NR1D2: variants seen among roughly 807,000 people sequenced by gnomAD.
NR1D2 encodes the protein nuclear receptor subfamily 1 group D member 2, also known as V-erbA-related protein 1-related.
NR1D2 carries 25 observed loss-of-function variants against 52.2 expected under a neutral mutation model. The observed-to-expected ratio is 0.48, with a 90% CI of 0.35 to 0.67. NR1D2 has a LOEUF of 0.67. NR1D2 is among the 30% of genes least tolerant of loss of function. The pLI, the probability that NR1D2 is intolerant of heterozygous loss-of-function variation, is 0.01. For synonymous variants in NR1D2, 259 were observed against 230.1 expected (o/e 1.13, Z -1.14); for missense variants, 681 against 707.2 (o/e 0.96, Z 0.42).
At position 23,948,758 on chromosome 3, in the gene NR1D2, C is replaced by T. The variant is rs761443599; in HGVS notation, c.16+3164C>T. Among the ~76,000 whole-genome samples the T allele has an allele frequency of 2.0e-5, 3 of 152,198 alleles. No homozygotes were observed. The East Asian group carries it at 5.8e-4, about 29-fold the overall frequency. Reference sequence around the variant, plus strand: ...CCAGAATTTGAATCCACAAAATTTACTTGGGAACACAAACTGTTAACTACT... The same window carrying T: ...CCAGAATTTGAATCCACAAAATTTATTTGGGAACACAAACTGTTAACTACT... On this transcript the variant is annotated intron_variant, in intron 1 of 7. Coordinates refer to ENST00000312521, the MANE Select transcript of NR1D2 (RefSeq NM_005126.5).
chr3:23,965,190 T>A, intron 6 of NR1D2, 28 bp downstream of exon 6: 1 of 1,473,858 alleles, frequency 6.8e-7, no homozygotes, highest in Non-Finnish European at 9.3e-7. Context: ...TGAATATTGA[T>A]GCAGGCAGGG....
intron 1 of NR1D2, among the ~76,000 whole-genome samples, chr3:23,947,136 A>G (rs1236014724): frequency 1.3e-5 from 2 of 152,156 alleles, no homozygotes; most frequent in Non-Finnish European, 2.9e-5. Context: ...TGAGTTTATC[A>G]TAGAATTAAA....
chr3:23,967,488 C>A (rs1475106727), intron 6 of NR1D2, among the ~76,000 whole-genome samples: 1 of 149,546 alleles, frequency 6.7e-6, no homozygotes, highest in African/African-American at 2.5e-5. Context: ...TGGTGGCGCA[C>A]ACCTGTAATC....
Position 23,962,096 on chromosome 3 carries a change from G to A in NR1D2, c.637G>A (p.Val213Ile). Residue 213 changes from valine (V) to isoleucine (I), a missense_variant, in exon 5 of 8, where the codon GTA (valine) becomes ATA (isoleucine). Transcript: ENST00000312521. ...FSGHLQNDTLVEHHEQTALPA... is the reference protein window; with the variant it reads ...FSGHLQNDTLIEHHEQTALPA... ...TGGTCACTTGCAAAATGACACATTA[G>A]TAGAACATCATGAACAGACAGCCTT... The A allele has an allele frequency of 6.2e-7, 1 of 1,614,194 alleles. No individual in the cohort carries two copies. The highest frequency in any genetic ancestry group is 8.5e-7 in the Non-Finnish European group (1 of 1,180,028).
At chr3:23,945,741 G>A (rs1705653973) in intron 1 of NR1D2, 147 bp downstream of exon 1, 2 of 553,210 alleles carry the variant, frequency 3.6e-6, no homozygotes, top group Non-Finnish European at 5.0e-6. Flanking sequence ...CTCTGGCTCG[G>A]TTCCCATCGC....
At chr3:23,957,592 G>A (rs1181982838) in intron 3 of NR1D2, among the ~76,000 whole-genome samples, 1 of 151,322 alleles carries the variant, frequency 6.6e-6, no homozygotes, top group Non-Finnish European at 1.5e-5. Flanking sequence ...ACGTAGTGGT[G>A]GGCGCCTGTA....
intron 1 of NR1D2, among the ~76,000 whole-genome samples, chr3:23,947,274 G>A (rs1705760305): frequency 6.6e-6 from 1 of 152,194 alleles, no homozygotes; most frequent in African/African-American, 2.4e-5. Context: ...TCTGGTTTGA[G>A]CCCTCTTCCA....
At position 23,962,361 on chromosome 3, in the gene NR1D2, G is replaced by A. The variant is rs149949793; in HGVS notation, c.902G>A (p.Cys301Tyr). Residue 301 changes from cysteine to tyrosine, a missense_variant, in exon 5 of 8, where the codon TGC becomes TAC. Transcript: ENST00000312521. The part of the protein sequence containing the change: ...MEQYNLNHDH[C>Y]GNGLSSHFPC... ...CAATATAATTTAAATCATGATCATT[G>A]CGGCAATGGGCTTAGCAGCCATTTT... The A allele has an allele frequency of 2.1e-4, 334 of 1,614,008 alleles. No homozygotes were observed. The highest frequency in any genetic ancestry group is 2.8e-4 in the Non-Finnish European group (326 of 1,180,010).
chr3:23,945,498 CGGCGCGGCGCTGA>C lies in NR1D2; in HGVS notation c.-76_-64del, dbSNP rs1705631325. On this transcript the variant is annotated 5_prime_UTR_variant, in exon 1 of 8. An upstream open reading frame in the 5' UTR loses its in-frame stop. Coordinates refer to ENST00000312521, the MANE Select transcript of NR1D2 (RefSeq NM_005126.5). ...GACCACCGCTGCTTCCAGCCCGGGG[CGGCGCGGCGCTGA>C]GGCGGCGGCGGCGGCGCTGCCCCCT... 3 of 884,660 alleles carry C rather than the reference CGGCGCGGCGCTGA, an allele frequency of 3.4e-6. No homozygotes were observed. The highest frequency in any genetic ancestry group is 2.8e-6 in the Non-Finnish European group (2 of 714,420). 54.8% of individuals were successfully genotyped at this position (884,660 alleles called of 1,614,324 possible). A position where few individuals can be genotyped will look rare whatever the true frequency, so the allele number is the denominator to read the frequency against.
At chr3:23,945,995 C>T in intron 1 of NR1D2, 1 of 610,240 alleles carries the variant, frequency 1.6e-6, no homozygotes, top group South Asian at 7.0e-5. Flanking sequence ...CCCTGACCCA[C>T]ATTCCCCGGG....
Position 23,962,128 on chromosome 3 carries a change from C to G in NR1D2, c.669C>G (p.Ala223=), listed in dbSNP as rs2125290917. The G allele has an allele frequency of 6.2e-7, 1 of 1,614,136 alleles. No homozygotes were observed. Residue 223 remains alanine (A), a synonymous_variant, in exon 5 of 8, where the codon GCC becomes GCG. Coordinates refer to ENST00000312521, the MANE Select transcript of NR1D2 (RefSeq NM_005126.5). ...VEHHEQTALP[A]QEQLRPKPQL... ...ATCATGAACAGACAGCCTTGCCAGC[C>G]CAGGAACAGCTGCGACCCAAGCCCC...
intron 3 of NR1D2, among the ~76,000 whole-genome samples, chr3:23,957,276 C>A (rs373700435): frequency 6.6e-6 from 1 of 151,712 alleles, no homozygotes; most frequent in South Asian, 2.1e-4. Context: ...AGCCACGCGC[C>A]CTGCCAAGTT....
intron 7 of NR1D2, among the ~76,000 whole-genome samples, chr3:23,974,816 C>CA (rs1337107857): frequency 6.7e-6 from 1 of 150,358 alleles, no homozygotes; most frequent in East Asian, 2.0e-4. Context: ...AACCAATATC[C>CA]AATTTTTTTT....
At chr3:23,949,402 G>A (rs934806241) in intron 1 of NR1D2, among the ~76,000 whole-genome samples, 12 of 150,694 alleles carry the variant, frequency 8.0e-5, no homozygotes, top group Non-Finnish European at 1.6e-4. Context: ...ATTTATTTTT[G>A]TGTCACCCTA....
chr3:23,953,913 C>T (rs368713177), intron 1 of NR1D2, among the ~76,000 whole-genome samples: 3 of 152,142 alleles, frequency 2.0e-5, no homozygotes, highest in Admixed American at 6.6e-5. Flanking sequence ...ATTTTTTAGT[C>T]CTTTTAGGAA....
intron 3 of NR1D2, among the ~76,000 whole-genome samples, chr3:23,957,583 C>G (rs1706120258): frequency 6.6e-6 from 1 of 150,818 alleles, no homozygotes; most frequent in Non-Finnish European, 1.5e-5. Flanking sequence ...ATTAGCCGGA[C>G]GTAGTGGTGG....
Position 23,961,587 on chromosome 3 carries a change from G to C in NR1D2, c.518-390G>C, listed in dbSNP as rs79215864. ...GTTTTTGTTTTTTTAGTAGAGACGGGGTTTCACCATATTGGCTAGTCTGGT... is the reference window on the plus strand; with the variant it reads ...GTTTTTGTTTTTTTAGTAGAGACGGCGTTTCACCATATTGGCTAGTCTGGT... On this transcript the variant is annotated intron_variant, in intron 4 of 7. Coordinates refer to ENST00000312521, the MANE Select transcript of NR1D2 (RefSeq NM_005126.5). Among the ~76,000 whole-genome samples the C allele has an allele frequency of 4.9e-4, 75 of 151,526 alleles. 1 individual carries two copies. In the East Asian group the frequency reaches 0.014, roughly 28 times the overall value.
At chr3:23,976,470 A>G (rs1433368607) in intron 7 of NR1D2, among the ~76,000 whole-genome samples, 1 of 152,184 alleles carries the variant, frequency 6.6e-6, no homozygotes, top group East Asian at 1.9e-4. Flanking sequence ...ATCTGCTTTC[A>G]GTTGTATGTA....
At chr3:23,946,904 A>AT (rs1165510520) in intron 1 of NR1D2, among the ~76,000 whole-genome samples, 1 of 152,178 alleles carries the variant, frequency 6.6e-6, no homozygotes, top group Non-Finnish European at 1.5e-5. Context: ...CTTTTGTTTT[A>AT]TTTTTTGAGT....
Sources: allele counts gnomAD v4.1 joint callset (sites outside exome capture counted in the v4.1 genomes callset), GRCh38; gene constraint gnomAD v4.1.1; transcripts MANE v1.5; gene names NCBI Gene and HGNC (gene_info 2026-07-23, HGNC 2026-07-21).